The following POT1 variants were observed in gnomAD, a reference collection of about 807,000 sequenced individuals.
POT1 encodes protection of telomeres protein 1.
In POT1, 47 loss-of-function variants were observed where a neutral mutation model predicts 78.5. The ratio of observed to expected loss-of-function variants is 0.60; its 90% CI spans 0.47 to 0.76. The LOEUF is 0.76. POT1 is among the 30% of genes least tolerant of loss of function. POT1 has a pLI of 0.00. For synonymous variants in POT1, 259 were observed against 260.7 expected (o/e 0.99, Z 0.06); for missense variants, 646 against 749.9 (o/e 0.86, Z 1.62).
At chr7:124,882,221 C>T (rs989388986) in intron 6 of POT1, among the ~76,000 whole-genome samples, 2 of 151,936 alleles carry the variant, frequency 1.3e-5, no homozygotes, top group Non-Finnish European at 2.9e-5. Context: ...GCTTCATCTC[C>T]TTTTTATCTA....
intron 17 of POT1, among the ~76,000 whole-genome samples, chr7:124,826,525 T>A (rs1467969715): frequency 6.6e-6 from 1 of 152,190 alleles, no homozygotes; most frequent in Non-Finnish European, 1.5e-5. Context: ...ATAATATCTA[T>A]CTTCCCTGTT....
At chr7:124,851,842 T>G (rs753521080) in intron 11 of POT1, 30 bp downstream of exon 11, 1 of 1,431,552 alleles carries the variant, frequency 7.0e-7, no homozygotes, top group Non-Finnish European at 9.9e-7. Context: ...TAGCAAGAAC[T>G]AAACTGTCAA....
intron 9 of POT1, among the ~76,000 whole-genome samples, chr7:124,855,302 TAA>T (rs1795420584): frequency 6.7e-6 from 1 of 149,128 alleles, no homozygotes; most frequent in Non-Finnish European, 1.5e-5. Flanking sequence ...TCCTAAAATT[TAA>T]AAGTGTCTGA....
chr7:124,830,537 CATTATTAAAGTTAGTATAAAAAT>C (rs1309637792), intron 15 of POT1, among the ~76,000 whole-genome samples: 1 of 151,774 alleles, frequency 6.6e-6, no homozygotes, highest in Non-Finnish European at 1.5e-5. Context: ...TAGCATTAGA[CATTATTAAAGTTAGTATAAAAAT>C]TAAAAATTAA....
chr7:124,885,226 CAGA>C (rs1481511432), intron 6 of POT1, among the ~76,000 whole-genome samples: 1 of 132,236 alleles, frequency 7.6e-6, no homozygotes, highest in Non-Finnish European at 1.5e-5. Flanking sequence ...GAGGCTGAGG[CAGA>C]AGGACTGCTT....
At chr7:124,880,184 T>C (rs1421332638) in intron 6 of POT1, among the ~76,000 whole-genome samples, 1 of 152,090 alleles carries the variant, frequency 6.6e-6, no homozygotes, top group Non-Finnish European at 1.5e-5. Flanking sequence ...ACAATGTACT[T>C]TGCATAAAAC....
chr7:124,844,035 T>C (rs2116472071), intron 12 of POT1, among the ~76,000 whole-genome samples: 1 of 152,302 alleles, frequency 6.6e-6, no homozygotes, highest in Middle Eastern at 3.4e-3. Flanking sequence ...TCATTTATTA[T>C]TTCTCACTTG....
intron 2 of POT1, among the ~76,000 whole-genome samples, chr7:124,917,205 T>C (rs1348491250): frequency 6.6e-6 from 1 of 152,006 alleles, no homozygotes; most frequent in Admixed American, 6.6e-5. Context: ...AACATCTACC[T>C]ATTAAAGGCT....
intron 3 of POT1, among the ~76,000 whole-genome samples, chr7:124,898,782 T>C (rs1159831127): frequency 6.6e-6 from 1 of 152,106 alleles, no homozygotes; most frequent in Non-Finnish European, 1.5e-5. Flanking sequence ...AAAACTAATA[T>C]ATGTGCATAC....
chr7:124,928,329 G>A (rs560229985), intron 2 of POT1, among the ~76,000 whole-genome samples: 3 of 152,098 alleles, frequency 2.0e-5, no homozygotes, highest in Non-Finnish European at 4.4e-5. Flanking sequence ...ACCTACTAAA[G>A]ACTTCCCATA....
intron 16 of POT1, chr7:124,828,796 T>C: frequency 2.3e-6 from 1 of 435,120 alleles, no homozygotes; most frequent in Admixed American, 2.5e-5. Context: ...AAATAAAACA[T>C]GAGATGGCTG....
At chr7:124,862,200 C>T (rs2116537428) in intron 8 of POT1, among the ~76,000 whole-genome samples, 1 of 152,246 alleles carries the variant, frequency 6.6e-6, no homozygotes, top group Non-Finnish European at 1.5e-5. Flanking sequence ...TGCTGTGTTT[C>T]TGCAGAGAGA....
At chr7:124,857,006 A>G (rs1424600781) in intron 9 of POT1, among the ~76,000 whole-genome samples, 4 of 152,142 alleles carry the variant, frequency 2.6e-5, no homozygotes, top group Non-Finnish European at 4.4e-5. Flanking sequence ...ATTTAATCTA[A>G]TTTATTGATT....
rs548567515 is a variant in POT1, at chr7:124,877,016, T to C, written c.125-5975A>G. Among the ~76,000 whole-genome samples the C allele has an allele frequency of 3.9e-5, 6 of 152,268 alleles. 1 individual carries two copies. The highest frequency in any genetic ancestry group is 1.2e-4 in the African/African-American group (5 of 41,554). ...GAAGAACATTTACTAGAAATGAAGATGCAGTCTTCCAATTAAAAGGGCCCA... is the reference window on the plus strand; with the variant it reads ...GAAGAACATTTACTAGAAATGAAGACGCAGTCTTCCAATTAAAAGGGCCCA... On this transcript the variant is annotated intron_variant, in intron 6 of 18. Transcript: ENST00000357628.
At chr7:124,860,811 T>G (rs1287734347) in intron 8 of POT1, among the ~76,000 whole-genome samples, 1 of 151,876 alleles carries the variant, frequency 6.6e-6, no homozygotes. Context: ...CCTGTCTCCA[T>G]GTGTTCTCAT....
chr7:124,871,196 C>T (rs1223800761), intron 6 of POT1, among the ~76,000 whole-genome samples, 155 bp from the exon 7 acceptor site: 1 of 152,072 alleles, frequency 6.6e-6, no homozygotes, highest in Admixed American at 6.6e-5. Context: ...GCTTTCAATA[C>T]ACACTGCAAA....
At chr7:124,888,068 C>G (rs893258144) in intron 6 of POT1, among the ~76,000 whole-genome samples, 1 of 152,026 alleles carries the variant, frequency 6.6e-6, no homozygotes, top group East Asian at 1.9e-4. Flanking sequence ...TGCCAGGAAA[C>G]CTTTCCCCTG....
Position 124,853,275 on chromosome 7 carries a change from T to C in POT1, c.703-137A>G, listed in dbSNP as rs1348466777. On this transcript the variant is annotated intron_variant, in intron 9 of 18. Coordinates refer to ENST00000357628, the MANE Select transcript of POT1 (RefSeq NM_015450.3). ...AATATACTAAAGTATCTGCAAAGTA[T>C]GCTATACGAGTGTGGTTGAATATCA... 1.4e-5 allele frequency: 9 copies of C among 644,782 alleles called. No individual in the cohort carries two copies. In the East Asian group the frequency reaches 2.2e-4, roughly 16 times the overall value. The allele number at this position is 644,782 out of a possible 1,614,324, so 39.9% of individuals were successfully genotyped here.
In POT1 at chr7:124,846,956, T is replaced by C. The variant is rs1795184096; in HGVS notation, c.992A>G (p.Gln331Arg). Residue 331 changes from glutamine to arginine, a missense_variant, in exon 12 of 19, where the codon CAG (glutamine) becomes CGG (arginine). Gln to Arg is a conservative substitution (Grantham distance 43, BLOSUM62 1). Coordinates refer to ENST00000357628, the MANE Select transcript of POT1 (RefSeq NM_015450.3). ...CATAGTCTTACTTGTAGCAGATAGC[T>C]GTTGACATCTTTCTACCTCGTATAA... Reference protein sequence around the residue: ...VSLYEVERCQQLSATILTDHQ... With the variant: ...VSLYEVERCQRLSATILTDHQ... The C allele has an allele frequency of 6.2e-7, 1 of 1,603,332 alleles. No homozygotes were observed. The highest frequency in any genetic ancestry group is 1.7e-5 in the Admixed American group (1 of 59,992).
Sources: allele counts gnomAD v4.1 joint callset (sites outside exome capture counted in the v4.1 genomes callset), GRCh38; gene constraint gnomAD v4.1.1; transcripts MANE v1.5; gene names NCBI Gene and HGNC (gene_info 2026-07-23, HGNC 2026-07-21).